Variants in C1orf94 observed in about 807,000 individuals in gnomAD.
C1orf94 encodes the protein uncharacterized protein C1orf94.
A neutral mutation model predicts 53.6 loss-of-function variants in C1orf94; 45 were observed. That is an observed-to-expected ratio of 0.84 (90% CI 0.66 to 1.08). C1orf94 has a LOEUF of 1.08. C1orf94 is among the 50% of genes least tolerant of loss of function. C1orf94 has a pLI of 0.00. For synonymous variants in C1orf94, 304 were observed against 296.1 expected (o/e 1.03, Z -0.27); for missense variants, 762 against 738.9 (o/e 1.03, Z -0.36).
chr1:34,169,283 T>A lies in C1orf94; in HGVS notation c.-251+2112T>A, dbSNP rs1356350521. 2.6e-5 allele frequency among the ~76,000 whole-genome samples: 4 copies of A among 152,240 alleles called. No homozygotes were observed. The East Asian group carries it at 7.8e-4, about 30-fold the overall frequency. ...TCAAAGACATAACAGCCTACCCGCA[T>A]CTAGCCTAGGAGAGTGTGGGTCTCA... is the stretch of plus-strand genomic sequence containing the variant. On this transcript the variant is annotated intron_variant, in intron 1 of 6. Transcript: ENST00000373374.
intron 1 of C1orf94, among the ~76,000 whole-genome samples, chr1:34,180,261 G>A (rs7547693): frequency 0.026 from 4,013 of 152,314 alleles, 168 homozygotes; most frequent in African/African-American, 0.085. Context: ...TTGCAATTCA[G>A]ATGTGATCAT....
Position 34,192,205 on chromosome 1 carries a change from G to A in C1orf94, c.321-5020G>A, listed in dbSNP as rs185375837. Among the ~76,000 whole-genome samples, 7 of 152,324 alleles carry A rather than the reference G, an allele frequency of 4.6e-5. No individual in the cohort carries two copies. The East Asian group carries it at 9.7e-4, about 21-fold the overall frequency. The stretch of plus-strand genomic sequence containing the variant: ...GATTACAGGAAATGGGGGTGAGCAG[G>A]CCTAACCGTGAACCCAGCAAAGTGG... On this transcript the variant is annotated intron_variant, in intron 1 of 6. Coordinates refer to ENST00000488417, the MANE Select transcript of C1orf94 (RefSeq NM_001134734.2).
exon 1 of C1orf94, chr1:34,167,023 A>G (rs1642037123): frequency 1.3e-5 from 2 of 152,068 alleles, no homozygotes; most frequent in Admixed American, 6.5e-5. Context: ...CGAAGCAGCC[A>G]GAACTCCTCA....
chr1:34,171,344 C>T (rs1453425690), intron 1 of C1orf94, among the ~76,000 whole-genome samples: 1 of 152,160 alleles, frequency 6.6e-6, no homozygotes, highest in African/African-American at 2.4e-5. Context: ...CCTATTTGCC[C>T]TTCAAAATTC....
chr1:34,182,958 C>T (rs1301860740), intron 1 of C1orf94, among the ~76,000 whole-genome samples: 1 of 152,218 alleles, frequency 6.6e-6, no homozygotes, highest in African/African-American at 2.4e-5. Context: ...TAGCCAAGAG[C>T]ATTAGACTCC....
intron 6 of C1orf94, among the ~76,000 whole-genome samples, chr1:34,217,472 A>C (rs1643008016): frequency 1.4e-5 from 1 of 71,786 alleles, no homozygotes; most frequent in African/African-American, 5.4e-5. Flanking sequence ...ATGATTTCTG[A>C]ATGATCCCAA....
chr1:34,179,255 A>G (rs1188459558), intron 1 of C1orf94, among the ~76,000 whole-genome samples: 2 of 152,258 alleles, frequency 1.3e-5, no homozygotes, highest in Non-Finnish European at 2.9e-5. Context: ...GCTCAGCATG[A>G]CAAGGCTCAG....
intron 5 of C1orf94, 89 bp from the exon 6 acceptor site, chr1:34,212,121 C>A: frequency 1.6e-6 from 2 of 1,214,762 alleles, no homozygotes; most frequent in Non-Finnish European, 2.3e-6. Context: ...GACTGAGGAG[C>A]ACAGGGGCTG....
intron 1 of C1orf94, among the ~76,000 whole-genome samples, chr1:34,192,672 A>T (rs1642512863): frequency 6.6e-6 from 1 of 152,194 alleles, no homozygotes; most frequent in African/African-American, 2.4e-5. Flanking sequence ...AAGAAAATAA[A>T]CAGATTGACA....
intron 1 of C1orf94, among the ~76,000 whole-genome samples, chr1:34,168,766 T>C (rs1026974457): frequency 3.9e-5 from 6 of 152,174 alleles, no homozygotes; most frequent in Non-Finnish European, 7.3e-5. Context: ...AGGACACCAG[T>C]CATACTGGAT....
chr1:34,201,056 G>T (rs1642699574), intron 3 of C1orf94, 24 bp downstream of exon 3: 2 of 1,560,952 alleles, frequency 1.3e-6, no homozygotes, highest in East Asian at 2.4e-5. Flanking sequence ...CCCAGGGAGG[G>T]ATTGGAGGGG....
Position 34,208,247 on chromosome 1 carries a change from T to A in C1orf94, c.1524+13T>A, listed in dbSNP as rs1642832480. 1 of 1,611,736 alleles carries A rather than the reference T, an allele frequency of 6.2e-7. No individual in the cohort carries two copies. Among genetic ancestry groups the A allele is most frequent in the African/African-American group, 1.3e-5 (1 of 74,840 alleles). On this transcript the variant is annotated intron_variant, in intron 5 of 6. Coordinates refer to ENST00000488417, the MANE Select transcript of C1orf94 (RefSeq NM_001134734.2). ...TTACTCCCAACAGGTGAGTAGACGA[T>A]CTCTCCTCCTCTGTCCTGGGTCCAT... is the stretch of plus-strand genomic sequence containing the variant.
chr1:34,195,008 A>G lies in C1orf94; in HGVS notation c.321-2217A>G, dbSNP rs1642556637. ...CAGCCCCTTTATTCTGATTGTTCTC[A>G]GGGGACTCAGCCGGGAAAGTGAGGC... is the stretch of plus-strand genomic sequence containing the variant. On this transcript the variant is annotated intron_variant, in intron 1 of 6. Transcript: ENST00000488417. Among the ~76,000 whole-genome samples, 4 of 152,138 alleles carry G rather than the reference A, an allele frequency of 2.6e-5. No individual in the cohort carries two copies. In the South Asian group the frequency reaches 8.3e-4, roughly 32 times the overall value.
chr1:34,196,482 C>T (rs896170649), intron 1 of C1orf94, among the ~76,000 whole-genome samples: 2 of 152,136 alleles, frequency 1.3e-5, no homozygotes, highest in African/African-American at 4.8e-5. Flanking sequence ...CCAGAGTGAA[C>T]ATGAGTATCC....
rs781704626 is a variant in C1orf94 at position 34,200,879 on chromosome 1, G to T, written c.1117G>T (p.Ala373Ser). The T allele has an allele frequency of 1.9e-6, 3 of 1,614,152 alleles. No homozygotes were observed. The highest frequency in any genetic ancestry group is 2.5e-6 in the Non-Finnish European group (3 of 1,180,030). The change falls in exon 3 of 7, where the codon GCA becomes TCA. Residue 373 changes from alanine (A) to serine (S), a missense_variant. Physicochemically the swap from Ala to Ser is moderately conservative, Grantham distance 99. Transcript: ENST00000488417. ...DACGEEGCCDAVGTASLTLPP... is the reference protein window; with the variant it reads ...DACGEEGCCDSVGTASLTLPP... ...CTGTGGTGAGGAGGGTTGCTGTGACGCAGTGGGCACCGCATCACTGACCCT... is the reference window on the plus strand; with the variant it reads ...CTGTGGTGAGGAGGGTTGCTGTGACTCAGTGGGCACCGCATCACTGACCCT...
chr1:34,209,091 T>C (rs1000669488), intron 5 of C1orf94, among the ~76,000 whole-genome samples: 1 of 152,220 alleles, frequency 6.6e-6, no homozygotes, highest in Non-Finnish European at 1.5e-5. Context: ...TGAACGTAAC[T>C]GGGTGTCCTG....
intron 1 of C1orf94, among the ~76,000 whole-genome samples, chr1:34,180,309 T>C (rs958492771): frequency 3.3e-4 from 51 of 152,242 alleles, no homozygotes; most frequent in African/African-American, 1.1e-3. Flanking sequence ...AGGTAGGTAC[T>C]CTTTTAAACT....
chr1:34,170,212 C>T (rs1484866117), intron 1 of C1orf94, among the ~76,000 whole-genome samples: 1 of 152,214 alleles, frequency 6.6e-6, no homozygotes, highest in African/African-American at 2.4e-5. Flanking sequence ...TCATGCCACA[C>T]TGAGCTGCAT....
At chr1:34,173,239 A>G (rs1172089840), upstream of C1orf94, among the ~76,000 whole-genome samples, 2 of 152,256 alleles carry the variant, frequency 1.3e-5, no homozygotes, top group Non-Finnish European at 2.9e-5. Flanking sequence ...TAAATAAATT[A>G]CTCATGGCCA....
Sources: gnomAD v4.1 joint callset for allele counts (sites outside exome capture counted in the v4.1 genomes callset) on GRCh38, gnomAD v4.1.1 for gene constraint, MANE v1.5 for transcripts, NCBI Gene and HGNC (gene_info 2026-07-23, HGNC 2026-07-21) for gene names.